PECAM1: variants seen among roughly 807,000 people sequenced by gnomAD.
PECAM1 encodes platelet endothelial cell adhesion molecule.
In PECAM1, 8 loss-of-function variants were observed where a neutral mutation model predicts 13.8. The ratio of observed to expected loss-of-function variants is 0.58; its 90% CI spans 0.34 to 1.05. The LOEUF is 1.05. Among genes scored for constraint, PECAM1 ranks in the 50% least tolerant of loss-of-function variants. The pLI, the probability that PECAM1 is intolerant of heterozygous loss-of-function variation, is 0.03. For missense variants in PECAM1, 304 were observed against 141.2 expected, an observed-to-expected ratio of 2.15 and a Z score of -5.84; for synonymous variants, 136 against 52.6, an observed-to-expected ratio of 2.58 and a Z score of -6.86.
At chr17:64,343,050 G>C (rs1488757666) in intron 13 of PECAM1, among the ~76,000 whole-genome samples, 3 of 152,148 alleles carry the variant, frequency 2.0e-5, no homozygotes, top group Non-Finnish European at 4.4e-5. Flanking sequence ...CAAAGGCCCA[G>C]GAAGCCTCAC....
chr17:64,335,124 C>CT (rs34137557), intron 14 of PECAM1, among the ~76,000 whole-genome samples: 51,537 of 151,766 alleles, frequency 0.34, 8,832 homozygotes, highest in African/African-American at 0.4. Flanking sequence ...GAGTGGGGTG[C>CT]GCCAAACTAT....
chr17:64,363,547 G>A (rs1051138094), intron 5 of PECAM1, 150 bp from the exon 6 acceptor site: 17 of 458,994 alleles, frequency 3.7e-5, no homozygotes, highest in East Asian at 2.5e-4. Context: ...TGTACCTAAC[G>A]ATCACCCCAG....
At chr17:64,331,585 G>T (rs2035120992) in intron 14 of PECAM1, among the ~76,000 whole-genome samples, 1 of 152,256 alleles carries the variant, frequency 6.6e-6, no homozygotes, top group Admixed American at 6.5e-5. Context: ...AGAGGACAGT[G>T]AGGCTGAGAA....
chr17:64,337,544 G>T (rs1052717134), intron 14 of PECAM1, among the ~76,000 whole-genome samples: 183 of 152,240 alleles, frequency 1.2e-3, no homozygotes, highest in African/African-American at 4.2e-3. Context: ...GTCTCTGAGG[G>T]GTAAGACATC....
At chr17:64,389,766 G>C (rs1473836783) in intron 2 of PECAM1, among the ~76,000 whole-genome samples, 1 of 152,018 alleles carries the variant, frequency 6.6e-6, no homozygotes, top group East Asian at 1.9e-4. Flanking sequence ...GAAAATGTGA[G>C]GCCGGGCGCG....
chr17:64,326,332 G>A (rs1555645691), intron 15 of PECAM1, among the ~76,000 whole-genome samples: 1 of 152,232 alleles, frequency 6.6e-6, no homozygotes. Flanking sequence ...CTGGCTTCCT[G>A]AGGGTGAGCT....
chr17:64,340,958 G>A (rs2035411808), intron 14 of PECAM1, among the ~76,000 whole-genome samples: 1 of 152,150 alleles, frequency 6.6e-6, no homozygotes, highest in African/African-American at 2.4e-5. Flanking sequence ...TTAGCTGGGT[G>A]TGGTGGCACA....
In PECAM1 at chr17:64,363,290, T is replaced by C. The variant is rs2036028106; in HGVS notation, c.1075A>G (p.Ile359Val). 2.1e-6 allele frequency: 1 copy of C among 475,436 alleles called. No individual in the cohort carries two copies. The highest frequency in any genetic ancestry group is 3.9e-6 in the Non-Finnish European group (1 of 259,088). 29.5% of individuals were successfully genotyped at this position (475,436 alleles called of 1,614,324 possible). A position where few individuals can be genotyped will look rare whatever the true frequency, so the allele number is the denominator to read the frequency against. ...IPGAPPANFT[I>V]QKEDTIVSQT... is the part of the protein sequence containing the mutation. Reference sequence around the variant, plus strand: ...GACACAATCGTATCTTCCTTCTGGATGGTGAAGTTGGCTGGAGGTGCTCCT... The same window carrying C: ...GACACAATCGTATCTTCCTTCTGGACGGTGAAGTTGGCTGGAGGTGCTCCT... Residue 359 changes from isoleucine (I) to valine (V), a missense_variant, in exon 6 of 16, where the codon ATC becomes GTC. By Grantham distance (29) the Ile-to-Val change is conservative (BLOSUM62 3). Coordinates refer to ENST00000563924, the MANE Select transcript of PECAM1 (RefSeq NM_000442.5).
At chr17:64,341,084 G>A (rs1229762409) in intron 14 of PECAM1, among the ~76,000 whole-genome samples, 7 of 126,814 alleles carry the variant, frequency 5.5e-5, no homozygotes, top group South Asian at 4.8e-4. Flanking sequence ...CATCAAGAGC[G>A]AAACTCTGTC....
At position 64,323,687 on chromosome 17, in the gene PECAM1, G is replaced by C. The variant is rs1334952340; in HGVS notation, c.*129C>G. The C allele has an allele frequency of 1.9e-5, 30 of 1,539,722 alleles. 1 individual carries two copies. The highest frequency in any genetic ancestry group is 1.9e-4 in the African/African-American group (14 of 72,860). ...TTTAAGAACCGGCAGCTTAGCCTGAGGAATTGCTGTGTTCTGTGGGAGCAG... is the reference window on the plus strand; with the variant it reads ...TTTAAGAACCGGCAGCTTAGCCTGACGAATTGCTGTGTTCTGTGGGAGCAG... On this transcript the variant is annotated 3_prime_UTR_variant, in exon 16 of 16. Coordinates refer to ENST00000563924, the MANE Select transcript of PECAM1 (RefSeq NM_000442.5).
chr17:64,348,371 G>T, intron 12 of PECAM1, 49 bp from the exon 13 acceptor site: 1 of 473,640 alleles, frequency 2.1e-6, no homozygotes, highest in South Asian at 6.7e-5. Flanking sequence ...AATCTCTTGT[G>T]GGCACCTCAG....
chr17:64,367,533 A>G (rs1172460634), intron 5 of PECAM1, among the ~76,000 whole-genome samples: 1 of 149,626 alleles, frequency 6.7e-6, no homozygotes, highest in Non-Finnish European at 1.5e-5. Context: ...CTGGGCAACA[A>G]GAGCAAAACT....
chr17:64,348,411 T>TC (rs1203926028), intron 12 of PECAM1, 89 bp from the exon 13 acceptor site: 7 of 362,454 alleles, frequency 1.9e-5, no homozygotes, highest in Non-Finnish European at 3.5e-5. Flanking sequence ...TCTTTTCTTT[T>TC]TTTTTTTTTT....
rs781800450 is a variant in PECAM1, at chr17:64,321,917, G to T, written c.*1899C>A. The stretch of plus-strand genomic sequence containing the variant: ...GACACAGGGGATCTGGCTGTCCCCA[G>T]ATCATCAACAGAGACATGAAGGTCG... On this transcript the variant is annotated 3_prime_UTR_variant, in exon 16 of 16. Transcript: ENST00000563924. 1 of 1,338,790 alleles carries T rather than the reference G, an allele frequency of 7.5e-7. No homozygotes were observed. Among genetic ancestry groups the T allele is most frequent in the Non-Finnish European group, 9.9e-7 (1 of 1,010,774 alleles). 82.9% of individuals were successfully genotyped at this position (1,338,790 alleles called of 1,614,324 possible). A position where few individuals can be genotyped will look rare whatever the true frequency, so the allele number is the denominator to read the frequency against.
chr17:64,378,102 C>G lies in PECAM1; in HGVS notation c.107G>C (p.Ser36Thr). The G allele has an allele frequency of 2.1e-6, 1 of 475,160 alleles. No individual in the cohort carries two copies. 29.4% of individuals were successfully genotyped at this position (475,160 alleles called of 1,614,324 possible). Reference sequence around the variant, plus strand: ...GTCCGGCAGGCTCTTCATGTCAACACTGTTGATTGTGAAAGCTAAATGCAA... The same window carrying G: ...GTCCGGCAGGCTCTTCATGTCAACAGTGTTGATTGTGAAAGCTAAATGCAA... ...EGQENSFTIN[S>T]VDMKSLPDWT... The change falls in exon 3 of 16, where the codon AGT becomes ACT. Residue 36 changes from serine to threonine, a missense_variant. Ser to Thr is a moderately conservative substitution (Grantham distance 58). Coordinates refer to ENST00000563924, the MANE Select transcript of PECAM1 (RefSeq NM_000442.5).
At chr17:64,363,519 G>T in intron 5 of PECAM1, 122 bp from the exon 6 acceptor site, 1 of 463,350 alleles carries the variant, frequency 2.2e-6, no homozygotes, top group East Asian at 3.1e-5. Context: ...CCAGCAAAAA[G>T]TTTTCCTTTG....
chr17:64,385,468 G>A (rs973130918), intron 2 of PECAM1, among the ~76,000 whole-genome samples: 2 of 152,134 alleles, frequency 1.3e-5, no homozygotes, highest in Non-Finnish European at 2.9e-5. Context: ...TGGGAGCCAC[G>A]AAGCATAGAG....
chr17:64,359,757 G>T, intron 7 of PECAM1, among the ~76,000 whole-genome samples: 1 of 50,090 alleles, frequency 2.0e-5, no homozygotes. Context: ...TACTTCTCTC[G>T]CTTTTTTTTT....
intron 14 of PECAM1, among the ~76,000 whole-genome samples, chr17:64,336,266 CAAAAA>C (rs118202513): frequency 1.5e-5 from 2 of 133,552 alleles, no homozygotes; most frequent in Admixed American, 7.5e-5. Flanking sequence ...GACCCTGTCT[CAAAAA>C]AAAAAAAAAA....
Sources: gnomAD v4.1 joint callset for allele counts (sites outside exome capture counted in the v4.1 genomes callset) on GRCh38, gnomAD v4.1.1 for gene constraint, MANE v1.5 for transcripts, NCBI Gene and HGNC (gene_info 2026-07-23, HGNC 2026-07-21) for gene names.